GRK6: variants seen among roughly 807,000 people sequenced by gnomAD.
The protein encoded by GRK6 is G protein-coupled receptor kinase 6.
GRK6 carries 37 observed loss-of-function variants against 80.8 expected under a neutral mutation model. That is an observed-to-expected ratio of 0.46 (90% CI 0.35 to 0.60). The LOEUF (loss-of-function observed/expected upper bound fraction) is 0.60. Among genes scored for constraint, GRK6 ranks in the 20% least tolerant of loss-of-function variants. GRK6 has a pLI of 0.00. For missense variants in GRK6, 560 were observed against 784.6 expected, an observed-to-expected ratio of 0.71 and a Z score of 3.42; for synonymous variants, 295 against 320.9, an observed-to-expected ratio of 0.92 and a Z score of 0.86.
chr5:177,437,303 A>G (rs1764207280), intron 13 of GRK6, among the ~76,000 whole-genome samples: 1 of 152,104 alleles, frequency 6.6e-6, no homozygotes, highest in South Asian at 2.1e-4. Flanking sequence ...AGAAGTCCCA[A>G]AGCTGATGCC....
At chr5:177,426,089 G>A (rs925184062), upstream of GRK6, among the ~76,000 whole-genome samples, 2 of 152,220 alleles carry the variant, frequency 1.3e-5, no homozygotes, top group Admixed American at 6.5e-5. Context: ...CTGCGAGGCC[G>A]CAGCCTCCTC....
In GRK6 at chr5:177,426,822, G is replaced by T. The variant is rs748366721; in HGVS notation, c.-24G>T. 5 of 1,201,734 alleles carry T rather than the reference G, an allele frequency of 4.2e-6. No homozygotes were observed. In the South Asian group the frequency reaches 1.8e-4, roughly 43 times the overall value. 74.4% of individuals were successfully genotyped at this position (1,201,734 alleles called of 1,614,324 possible). ...CGATCCCGGCCGGCGGCGCGGCCCG[G>T]CGGGCCAGGCGGCGCCACAGCCCAT... On this transcript the variant is annotated 5_prime_UTR_variant, in exon 1 of 16. Coordinates refer to ENST00000355472, the MANE Select transcript of GRK6 (RefSeq NM_001004106.3).
Position 177,440,727 on chromosome 5 carries a change from C to G in GRK6, c.1432C>G (p.Leu478Val). ...CCAGGCCATTTACTGCAAGGATGTT[C>G]TGGACATTGAACAGTTCTCTACGGT... Reference protein sequence around the residue: ...DPQAIYCKDVLDIEQFSTVKG... With the variant: ...DPQAIYCKDVVDIEQFSTVKG... The change falls in exon 14 of 16, where the codon CTG becomes GTG. Residue 478 changes from leucine to valine, a missense_variant. This residue lies in a region of GRK6 where 294 missense variants were observed against 397.4 expected (regional missense o/e 0.74). Transcript: ENST00000355472. 1 of 1,614,204 alleles carries G rather than the reference C, an allele frequency of 6.2e-7. No homozygotes were observed. The highest frequency in any genetic ancestry group is 8.5e-7 in the Non-Finnish European group (1 of 1,180,038).
chr5:177,435,124 G>A lies in GRK6; in HGVS notation c.1057+3G>A, dbSNP rs369754185. 5.1e-5 allele frequency: 81 copies of A among 1,598,352 alleles called. No individual in the cohort carries two copies. The highest frequency in any genetic ancestry group is 6.8e-5 in the Non-Finnish European group (79 of 1,170,146). On this transcript the variant is annotated splice_donor_region_variant and intron_variant, in intron 11 of 15. Transcript: ENST00000355472. Reference sequence around the variant, plus strand: ...TGTGGGCACCGTGGGTTACATGGGTGAGTCTTCTCTGCCCGGCCCACTAGC... The same window carrying A: ...TGTGGGCACCGTGGGTTACATGGGTAAGTCTTCTCTGCCCGGCCCACTAGC...
At chr5:177,441,707 C>T in intron 15 of GRK6, 30 bp from the exon 16 acceptor site, 1 of 1,563,220 alleles carries the variant, frequency 6.4e-7, no homozygotes, top group East Asian at 2.2e-5. Context: ...TGCCTCTCTC[C>T]CTCCCTCCGT....
In GRK6 at chr5:177,437,838, G is replaced by A. The variant is rs958969835; in HGVS notation, c.1404+1308G>A. 2.0e-5 allele frequency among the ~76,000 whole-genome samples: 3 copies of A among 152,204 alleles called. No individual in the cohort carries two copies. In the South Asian group the frequency reaches 6.2e-4, roughly 31 times the overall value. ...TATGAGGACTGGTCCTGTAATTAAC[G>A]GTTCACCAGGAACACTGGAGAGGCC... On this transcript the variant is annotated intron_variant, in intron 13 of 15. Coordinates refer to ENST00000355472, the MANE Select transcript of GRK6 (RefSeq NM_001004106.3).
chr5:177,440,314 G>A, intron 13 of GRK6, among the ~76,000 whole-genome samples: 1 of 152,224 alleles, frequency 6.6e-6, no homozygotes, highest in South Asian at 2.1e-4. Context: ...TCGCAGGGCG[G>A]GGAGCCAGGG....
chr5:177,440,672 T>C lies in GRK6; in HGVS notation c.1405-28T>C, dbSNP rs1407840606. On this transcript the variant is annotated intron_variant, in intron 13 of 15. Coordinates refer to ENST00000355472, the MANE Select transcript of GRK6 (RefSeq NM_001004106.3). ...TTCGCGTGTGCGTGTGTGTGTTTCC[T>C]ATCTGACCGTTGCCTCTGTCCCACC... 1.9e-6 allele frequency: 3 copies of C among 1,612,322 alleles called. No homozygotes were observed. The Admixed American group carries it at 5.0e-5, about 27-fold the overall frequency.
chr5:177,435,196 G>A, intron 11 of GRK6, 75 bp downstream of exon 11: 1 of 1,070,506 alleles, frequency 9.3e-7, no homozygotes, highest in Non-Finnish European at 1.4e-6. Flanking sequence ...ACCCACTTCT[G>A]TCTGGGAGTC....
At chr5:177,432,669 G>A (rs1763961159) in intron 4 of GRK6, 37 bp from the exon 5 acceptor site, 1 of 1,401,398 alleles carries the variant, frequency 7.1e-7, no homozygotes, top group East Asian at 2.5e-5. Context: ...CCATCCAAGG[G>A]AGCCCCTGCA....
intron 13 of GRK6, chr5:177,438,365 C>G (rs966468564): frequency 2.0e-5 from 3 of 151,122 alleles, no homozygotes; most frequent in African/African-American, 7.3e-5. Flanking sequence ...GAAACTTCAT[C>G]TCAAAAAAAA....
upstream of GRK6, among the ~76,000 whole-genome samples, chr5:177,425,977 C>T (rs1763637462): frequency 6.6e-6 from 1 of 152,224 alleles, no homozygotes; most frequent in African/African-American, 2.4e-5. Flanking sequence ...GCGGCAGAGG[C>T]CGAGGGAAGG....
intron 5 of GRK6, 142 bp from the exon 6 acceptor site, chr5:177,433,005 C>G (rs1763978734): frequency 2.5e-6 from 2 of 796,966 alleles, no homozygotes; most frequent in African/African-American, 3.4e-5. Flanking sequence ...GTGTGTCTCC[C>G]CGCTCAGGGG....
Position 177,432,771 on chromosome 5 carries a change from G to C in GRK6, c.405G>C (p.Gln135His). 1 of 1,612,516 alleles carries C rather than the reference G, an allele frequency of 6.2e-7. No individual in the cohort carries two copies. The highest frequency in any genetic ancestry group is 8.5e-7 in the Non-Finnish European group (1 of 1,179,530). Residue 135 changes from glutamine to histidine, a missense_variant, in exon 5 of 16, where the codon CAG (glutamine) becomes CAC (histidine). By Grantham distance (24) the Gln-to-His change is conservative (BLOSUM62 0). Around this residue, in one of 3 missense-constraint regions of GRK6, gnomAD observed 189 missense variants for 230.2 expected, o/e 0.82. Transcript: ENST00000355472. ...CGAACTGCACCCAGCGGCTGGAGCA[G>C]GGTCCCTGCAAAGACCTTTTCCAGG... Reference protein sequence around the residue: ...LVTNCTQRLEQGPCKDLFQEL... With the variant: ...LVTNCTQRLEHGPCKDLFQEL...
Position 177,441,070 on chromosome 5 carries a change from G to A in GRK6, c.1677+17G>A. On this transcript the variant is annotated intron_variant, in intron 15 of 15. Transcript: ENST00000355472. ...AGTCGCCAAGTAAGCCCCAGCAGCG[G>A]CCTACCTGGGCCCCTAACCTGGCTC... 1 of 1,612,004 alleles carries A rather than the reference G, an allele frequency of 6.2e-7. No individual in the cohort carries two copies. The highest frequency in any genetic ancestry group is 8.5e-7 in the Non-Finnish European group (1 of 1,179,100).
chr5:177,432,089 C>T lies in GRK6; in HGVS notation c.243C>T (p.Val81=), dbSNP rs756880537. 8.7e-6 allele frequency: 14 copies of T among 1,611,070 alleles called. No individual in the cohort carries two copies. Among genetic ancestry groups the T allele is most frequent in the South Asian group, 4.4e-5 (4 of 90,828 alleles). ...CGAGGCCGGAGCTGAGCCGCTGCGTCGCCTTCCTGGATGGGGTGGTGAGTG... is the reference window on the plus strand; with the variant it reads ...CGAGGCCGGAGCTGAGCCGCTGCGTTGCCTTCCTGGATGGGGTGGTGAGTG... ...CATRPELSRC[V]AFLDGVAEYE... The change falls in exon 3 of 16, where the codon GTC becomes GTT. Residue 81 remains valine, a synonymous_variant. Transcript: ENST00000355472.
rs1452808977 is a variant in GRK6, at chr5:177,430,955, C to T, written c.136C>T (p.Arg46Trp). 8.7e-6 allele frequency: 14 copies of T among 1,613,412 alleles called. No homozygotes were observed. The highest frequency in any genetic ancestry group is 1.1e-5 in the South Asian group (1 of 91,046). ...FPHISQCEELRLSLERDYHSL... is the reference protein window; with the variant it reads ...FPHISQCEELWLSLERDYHSL... The stretch of plus-strand genomic sequence containing the variant: ...TCACATCAGCCAGTGCGAAGAGCTG[C>T]GGCTCAGCCTCGGTGAGGCCTGGGC... Residue 46 changes from arginine (R) to tryptophan (W), a missense_variant, in exon 2 of 16, where the codon CGG (arginine) becomes TGG (tryptophan). This residue lies in a region of GRK6 where 189 missense variants were observed against 230.2 expected (regional missense o/e 0.82). Coordinates refer to ENST00000355472, the MANE Select transcript of GRK6 (RefSeq NM_001004106.3).
chr5:177,442,891 G>A lies in GRK6; in HGVS notation c.*1101G>A, dbSNP rs1379966900. Reference sequence around the variant, plus strand: ...GTGTGAATAGTCCGAGCACAAACCTGGCTAGCCGCCCCTGCCTGCCTCTTT... The same window carrying A: ...GTGTGAATAGTCCGAGCACAAACCTAGCTAGCCGCCCCTGCCTGCCTCTTT... On this transcript the variant is annotated 3_prime_UTR_variant, in exon 16 of 16. Coordinates refer to ENST00000355472, the MANE Select transcript of GRK6 (RefSeq NM_001004106.3). The A allele has an allele frequency of 6.6e-6, 1 of 152,200 alleles. No individual in the cohort carries two copies. The highest frequency in any genetic ancestry group is 2.4e-5 in the African/African-American group (1 of 41,436). The allele number at this position is 152,200 out of a possible 1,614,324, so 9.4% of individuals were successfully genotyped here.
chr5:177,428,957 T>C lies in GRK6; in HGVS notation c.53-1915T>C, dbSNP rs1763779265. 6.6e-6 allele frequency among the ~76,000 whole-genome samples: 1 copy of C among 152,028 alleles called. No individual in the cohort carries two copies. Among genetic ancestry groups the C allele is most frequent in the African/African-American group, 2.4e-5 (1 of 41,392 alleles). On this transcript the variant is annotated intron_variant, in intron 1 of 15. Transcript: ENST00000355472. This position sits in a 1 kb window ranked among gnomAD's most constrained non-coding sequence, Gnocchi z 4.1. ...GCCCCAGGTGGGGTTTGGGAACCCTTGGTGTGTGTATACAGTTGGCACCTA... is the reference window on the plus strand; with the variant it reads ...GCCCCAGGTGGGGTTTGGGAACCCTCGGTGTGTGTATACAGTTGGCACCTA...
Sources: allele counts gnomAD v4.1 joint callset (sites outside exome capture counted in the v4.1 genomes callset), GRCh38; gene constraint gnomAD v4.1.1; regional missense constraint gnomAD v4.1.1; non-coding constraint Gnocchi (gnomAD v3.1); transcripts MANE v1.5; gene names NCBI Gene and HGNC (gene_info 2026-07-23, HGNC 2026-07-21).